E2F4: variants seen among roughly 807,000 people sequenced by gnomAD.
E2F4 encodes the protein E2F transcription factor 4.
A neutral mutation model predicts 44.5 loss-of-function variants in E2F4; 16 were observed. The observed-to-expected ratio is 0.36, with a 90% confidence interval of 0.24 to 0.55. The LOEUF (loss-of-function observed/expected upper bound fraction) is 0.55. Ranked by LOEUF, E2F4 falls within the 20% of genes least tolerant of loss-of-function variation. The probability of loss-of-function intolerance (pLI) is 0.87; values close to 1 mark genes in which losing one functional copy is unlikely to be tolerated. For synonymous variants in E2F4, 242 were observed against 207.2 expected (o/e 1.17, Z -1.44); for missense variants, 473 against 522.1 (o/e 0.91, Z 0.92).
intron 4 of E2F4, 90 bp from the exon 5 acceptor site, chr16:67,194,308 G>A (rs2093621680): frequency 1.4e-6 from 2 of 1,427,858 alleles, no homozygotes; most frequent in African/African-American, 1.4e-5. Flanking sequence ...CAGGGACCGT[G>A]ATCTCCTGCC....
rs2033009996 is a variant in E2F4 at position 67,198,346 on chromosome 16, CAA to C, written c.*225_*226del. The C allele has an allele frequency of 1.8e-6, 1 of 555,236 alleles. No individual in the cohort carries two copies. The highest frequency in any genetic ancestry group is 3.2e-6 in the Non-Finnish European group (1 of 308,938). 34.4% of individuals were successfully genotyped at this position (555,236 alleles called of 1,614,324 possible). On this transcript the variant is annotated 3_prime_UTR_variant, in exon 10 of 10. Coordinates refer to ENST00000379378, the MANE Select transcript of E2F4 (RefSeq NM_001950.4). ...GACTCAGCCCCCATCACCGTGGAGC[CAA>C]AGTGTTTGCTTCTCCCTTTCTGCGG...
intron 6 of E2F4, among the ~76,000 whole-genome samples, chr16:67,195,256 T>C (rs2032949066): frequency 6.6e-6 from 1 of 152,204 alleles, no homozygotes; most frequent in Non-Finnish European, 1.5e-5. Context: ...TGCCTTAGCC[T>C]CCTGAGTAGC....
Position 67,196,025 on chromosome 16 carries a change from G to A in E2F4, c.1033+19G>A. The A allele has an allele frequency of 6.2e-7, 1 of 1,612,754 alleles. No individual in the cohort carries two copies. Among genetic ancestry groups the A allele is most frequent in the Non-Finnish European group, 8.5e-7 (1 of 1,178,786 alleles). On this transcript the variant is annotated intron_variant, in intron 7 of 9. Coordinates refer to ENST00000379378, the MANE Select transcript of E2F4 (RefSeq NM_001950.4). ...ACAGGTGGTGAGTACCTGCCCCCTG[G>A]GGGCAGAGAGAGAGAGTCTAGCCTC...
In E2F4 at chr16:67,197,583, C is replaced by T. The variant is rs766245224; in HGVS notation, c.1034-16C>T. 6.2e-7 allele frequency: 1 copy of T among 1,614,076 alleles called. No individual in the cohort carries two copies. Among genetic ancestry groups the T allele is most frequent in the African/African-American group, 1.3e-5 (1 of 75,018 alleles). On this transcript the variant is annotated splice_polypyrimidine_tract_variant and intron_variant, in intron 7 of 9. Transcript: ENST00000379378. ...CTGGACCTCTGTGCCCTGAGCATGGCTTTCTTGTTTTTCAGTTTTGGAACT... is the reference window on the plus strand; with the variant it reads ...CTGGACCTCTGTGCCCTGAGCATGGTTTTCTTGTTTTTCAGTTTTGGAACT...
At position 67,192,178 on chromosome 16, in the gene E2F4, C is replaced by T; in HGVS notation, c.-50C>T. ...CCAGGAACGGAAGCGGAAGTGGCGG[C>T]GGCGCCGGCCTGGCCTGGCCTGGCT... On this transcript the variant is annotated 5_prime_UTR_variant, in exon 1 of 10. Coordinates refer to ENST00000379378, the MANE Select transcript of E2F4 (RefSeq NM_001950.4). 7 of 1,158,026 alleles carry T rather than the reference C, an allele frequency of 6.0e-6. No homozygotes were observed. The highest frequency in any genetic ancestry group is 5.3e-6 in the Non-Finnish European group (5 of 940,096). The allele number at this position is 1,158,026 out of a possible 1,614,324, so 71.7% of individuals were successfully genotyped here. A position where few individuals can be genotyped will look rare whatever the true frequency, so the allele number is the denominator to read the frequency against.
chr16:67,195,658 T>C, intron 6 of E2F4, 124 bp from the exon 7 acceptor site: 1 of 1,518,022 alleles, frequency 6.6e-7, no homozygotes, highest in Middle Eastern at 1.8e-4. Flanking sequence ...TGACTGGCAA[T>C]GCCTAATTCT....
Position 67,192,236 on chromosome 16 carries a change from G to T in E2F4, c.9G>T (p.Glu3Asp). 7.9e-7 allele frequency: 1 copy of T among 1,267,554 alleles called. No homozygotes were observed. The highest frequency in any genetic ancestry group is 9.9e-7 in the Non-Finnish European group (1 of 1,005,198). The allele number at this position is 1,267,554 out of a possible 1,614,324, so 78.5% of individuals were successfully genotyped here. The change falls in exon 1 of 10, where the codon GAG (glutamate) becomes GAT (aspartate). Residue 3 changes from glutamate to aspartate, a missense_variant. Glu to Asp is a conservative substitution (Grantham distance 45). This residue lies in a region of E2F4 where 40 missense variants were observed against 30.8 expected (regional missense o/e 1.30). Transcript: ENST00000379378. ...GGCGGCGGGCGGGCGCGATGGCGGA[G>T]GCCGGGCCACAGGCGCCGCCGCCCC... MA[E>D]AGPQAPPPPG...
chr16:67,194,910 G>A lies in E2F4; in HGVS notation c.738G>A (p.Gln246=), dbSNP rs1451757767. The stretch of plus-strand genomic sequence containing the variant: ...AAGCCTCACGTCCAAATAGTCCTCA[G>A]CTCACTCCCACTGCTGTCCCTGGCA... ...SQEASRPNSP[Q]LTPTAVPGSA... Residue 246 remains glutamine, a synonymous_variant, in exon 6 of 10, where the codon CAG becomes CAA. Transcript: ENST00000379378. 1.1e-5 allele frequency: 18 copies of A among 1,614,044 alleles called. 1 individual carries two copies. The South Asian group carries it at 1.9e-4, about 17-fold the overall frequency.
At chr16:67,193,674 T>C (rs2032924031) in intron 4 of E2F4, among the ~76,000 whole-genome samples, 159 bp downstream of exon 4, 1 of 152,210 alleles carries the variant, frequency 6.6e-6, no homozygotes, top group Non-Finnish European at 1.5e-5. Context: ...TGAGTGTCAC[T>C]GGGACCCTGT....
chr16:67,194,259 C>G (rs909023231), intron 4 of E2F4, 139 bp from the exon 5 acceptor site: 19 of 844,644 alleles, frequency 2.2e-5, no homozygotes, highest in Middle Eastern at 4.7e-4. Context: ...CTCTGCCTGG[C>G]CACTATGGGG....
intron 4 of E2F4, among the ~76,000 whole-genome samples, chr16:67,193,777 G>A (rs2032925268): frequency 6.6e-6 from 1 of 151,796 alleles, no homozygotes; most frequent in Non-Finnish European, 1.5e-5. Flanking sequence ...GGCTTCTTGG[G>A]TATGATAGAG....
chr16:67,193,079 G>A lies in E2F4; in HGVS notation c.316G>A (p.Glu106Lys), dbSNP rs769594181. Residue 106 changes from glutamate to lysine, a missense_variant, in exon 3 of 10, where the codon GAG becomes AAG. Glu to Lys is a moderately conservative substitution (Grantham distance 56, BLOSUM62 1). Transcript: ENST00000379378. ...GATTGAGCTCAAGGCAGAGATCGAG[G>A]AGCTGCAGCAGCGGGAGCAAGAACT... The part of the protein sequence containing the change: ...KLIELKAEIE[E>K]LQQREQELDQ... 24 of 1,570,368 alleles carry A rather than the reference G, an allele frequency of 1.5e-5. No homozygotes were observed. The highest frequency in any genetic ancestry group is 6.8e-5 in the African/African-American group (5 of 73,900).
intron 4 of E2F4, 22 bp from the exon 5 acceptor site, chr16:67,194,376 C>G: frequency 1.9e-6 from 3 of 1,613,868 alleles, no homozygotes; most frequent in Non-Finnish European, 2.5e-6. Context: ...TGGGCTCTGA[C>G]CCATTCTCCA....
In E2F4 at chr16:67,197,951, G is replaced by C. The variant is rs201730127; in HGVS notation, c.1126+40G>C. ...AAGGTGGGAGTGGGTGTGGGCAGGG[G>C]TTGGGCTGCTGCTAGGGGAGCCCTG... On this transcript the variant is annotated intron_variant, in intron 9 of 9. Coordinates refer to ENST00000379378, the MANE Select transcript of E2F4 (RefSeq NM_001950.4). 2.3e-5 allele frequency: 37 copies of C among 1,614,008 alleles called. No homozygotes were observed. In the South Asian group the frequency reaches 3.8e-4, roughly 17 times the overall value.
chr16:67,196,126 T>G, intron 7 of E2F4, 120 bp downstream of exon 7: 2 of 1,453,758 alleles, frequency 1.4e-6, no homozygotes, highest in South Asian at 2.5e-5. Context: ...ACACGAGAGC[T>G]CTCTGCCAGC....
Position 67,192,315 on chromosome 16 carries a change from G to T in E2F4, c.88G>T (p.Val30Leu). The T allele has an allele frequency of 7.0e-7, 1 of 1,429,698 alleles. No homozygotes were observed. Among genetic ancestry groups the T allele is most frequent in the Non-Finnish European group, 9.2e-7 (1 of 1,089,302 alleles). The allele number at this position is 1,429,698 out of a possible 1,614,324, so 88.6% of individuals were successfully genotyped here. ...CCTGGGACTGCTCACCACCAAGTTC[G>T]TGTCCCTTCTGCAGGAGGCCAAGGA... ...KSLGLLTTKF[V>L]SLLQEAKDGV... Residue 30 changes from valine (V) to leucine (L), a missense_variant, in exon 1 of 10, where the codon GTG becomes TTG. Transcript: ENST00000379378.
At position 67,193,050 on chromosome 16, in the gene E2F4, A is replaced by G. The variant is rs1249242044; in HGVS notation, c.287A>G (p.Lys96Arg). The G allele has an allele frequency of 6.4e-7, 1 of 1,571,814 alleles. No homozygotes were observed. The highest frequency in any genetic ancestry group is 8.6e-7 in the Non-Finnish European group (1 of 1,157,770). Reference sequence around the variant, plus strand: ...TGCAATACCCGGGAGATTGCTGACAAACTGATTGAGCTCAAGGCAGAGATC... The same window carrying G: ...TGCAATACCCGGGAGATTGCTGACAGACTGATTGAGCTCAAGGCAGAGATC... ...PGCNTREIAD[K>R]LIELKAEIEE... Residue 96 changes from lysine (K) to arginine (R), a missense_variant, in exon 3 of 10, where the codon AAA becomes AGA. By Grantham distance (26) the Lys-to-Arg change is conservative (BLOSUM62 2). Transcript: ENST00000379378.
chr16:67,193,253 A>G lies in E2F4; in HGVS notation c.407+83A>G, dbSNP rs143427926. On this transcript the variant is annotated intron_variant, in intron 3 of 9. Transcript: ENST00000379378. ...TGCCCTGAGTCCTGTTCCTCTTGGG[A>G]GTTTGTCTTATAGCCACTGGCCATG... 6.1e-4 allele frequency: 933 copies of G among 1,526,512 alleles called. 7 individuals carry two copies. The African/African-American group carries it at 0.011, about 19-fold the overall frequency. The allele number at this position is 1,526,512 out of a possible 1,614,324, so 94.6% of individuals were successfully genotyped here.
At chr16:67,193,673 C>A (rs1244982910) in intron 4 of E2F4, among the ~76,000 whole-genome samples, 158 bp downstream of exon 4, 1 of 152,202 alleles carries the variant, frequency 6.6e-6, no homozygotes, top group African/African-American at 2.4e-5. Context: ...CTGAGTGTCA[C>A]TGGGACCCTG....
Sources: gnomAD v4.1 joint callset for allele counts (sites outside exome capture counted in the v4.1 genomes callset) on GRCh38, gnomAD v4.1.1 for gene constraint, gnomAD v4.1.1 regional missense constraint, MANE v1.5 for transcripts, NCBI Gene and HGNC (gene_info 2026-07-23, HGNC 2026-07-21) for gene names.